The following CDH18 variants were observed in gnomAD, a reference collection of about 807,000 sequenced individuals.
The protein encoded by CDH18 is cadherin 18, also known as cadherin-18.
In CDH18, 31 loss-of-function variants were observed where a neutral mutation model predicts 67.9. The ratio of observed to expected loss-of-function variants is 0.46; its 90% confidence interval spans 0.34 to 0.62. The LOEUF (loss-of-function observed/expected upper bound fraction) is 0.62, where lower values mean the gene tolerates loss of function less well. CDH18 is among the 20% of genes least tolerant of loss of function. The pLI, the probability that CDH18 is intolerant of heterozygous loss-of-function variation, is 0.01. For synonymous variants in CDH18, 362 were observed against 347.2 expected, an observed-to-expected ratio of 1.04 and a Z score of -0.48; for missense variants, 890 against 975.5, an observed-to-expected ratio of 0.91 and a Z score of 1.17.
chr5:19,483,626 T>C (rs1019487280), intron 11 of CDH18, 74 bp from the exon 12 acceptor site: 1 of 1,425,368 alleles, frequency 7.0e-7, no homozygotes, highest in Admixed American at 2.1e-5. Flanking sequence ...CTTTAATGGA[T>C]AAAATGGGGA....
chr5:19,681,157 A>G (rs183104375), intron 5 of CDH18, among the ~76,000 whole-genome samples: 2 of 152,160 alleles, frequency 1.3e-5, no homozygotes, highest in Admixed American at 1.3e-4. Context: ...AAACTAATGA[A>G]TGAACAGAAA....
At chr5:19,843,004 G>A (rs1369819394) in intron 2 of CDH18, among the ~76,000 whole-genome samples, 2 of 152,116 alleles carry the variant, frequency 1.3e-5, no homozygotes, top group Admixed American at 6.6e-5. Flanking sequence ...TAAAAGGGAA[G>A]CACAGCATAA....
rs1741071279 is a variant in CDH18, at chr5:20,350,415, C to G, written c.-579-94910G>C. Among the ~76,000 whole-genome samples, 5 of 152,178 alleles carry G rather than the reference C, an allele frequency of 3.3e-5. No homozygotes were observed. The South Asian group carries it at 1.0e-3, about 32-fold the overall frequency. ...CATATTGTAGCTAATAGATTATAGA[C>G]ACAGAAGTAAATTCAATTTCCTCAA... is the stretch of plus-strand genomic sequence containing the variant. On this transcript the variant is annotated intron_variant, in intron 1 of 14. Coordinates refer to the CDH18 transcript ENST00000507958.
At position 20,162,077 on chromosome 5, in the gene CDH18, A is replaced by G. The variant is rs554816261; in HGVS notation, c.-518+93367T>C. On this transcript the variant is annotated intron_variant, in intron 2 of 14. Coordinates refer to the CDH18 transcript ENST00000507958. The stretch of plus-strand genomic sequence containing the variant: ...TATAATTAACTGAAGTCTTAACTGT[A>G]CTTAGAAGTTCCACTATAAGATTTC... Among the ~76,000 whole-genome samples, 28 of 152,188 alleles carry G rather than the reference A, an allele frequency of 1.8e-4. No individual in the cohort carries two copies. The South Asian group carries it at 5.8e-3, about 32-fold the overall frequency.
At chr5:19,994,790 GAGAT>G (rs1735828446) in intron 2 of CDH18, among the ~76,000 whole-genome samples, 1 of 65,304 alleles carries the variant, frequency 1.5e-5, no homozygotes, top group Non-Finnish European at 2.9e-5. Context: ...GAGAGAGAGA[GAGAT>G]GTACATGTGT....
chr5:20,498,639 T>G (rs1754054749), intron 1 of CDH18, among the ~76,000 whole-genome samples: 1 of 152,104 alleles, frequency 6.6e-6, no homozygotes, highest in African/African-American at 2.4e-5. Context: ...AATCCTTTAG[T>G]TGATAACATA....
chr5:19,471,461 G>A lies in CDH18; in HGVS notation c.*1765C>T, dbSNP rs1737644947. On this transcript the variant is annotated 3_prime_UTR_variant, in exon 13 of 13. Transcript: ENST00000382275. ...AAAATTTTGCACATGGGTAGAAACA[G>A]ACAGAAAATGTCATATAACTTTTGG... is the stretch of plus-strand genomic sequence containing the variant. Among the ~76,000 whole-genome samples, 1 of 151,986 alleles carries A rather than the reference G, an allele frequency of 6.6e-6. No homozygotes were observed. Among genetic ancestry groups the A allele is most frequent in the South Asian group, 2.1e-4 (1 of 4,832 alleles).
chr5:20,477,222 C>T (rs183718055), intron 1 of CDH18, among the ~76,000 whole-genome samples: 66 of 152,086 alleles, frequency 4.3e-4, no homozygotes, highest in African/African-American at 1.5e-3. Flanking sequence ...CACACACACA[C>T]GAGGGAGAGA....
chr5:20,540,170 A>G (rs1173795801), intron 1 of CDH18, among the ~76,000 whole-genome samples: 1 of 152,164 alleles, frequency 6.6e-6, no homozygotes, highest in African/African-American at 2.4e-5. Flanking sequence ...TGTTCCAAGA[A>G]AGTAGAGAGA....
intron 2 of CDH18, among the ~76,000 whole-genome samples, chr5:19,851,296 C>G (rs1348376594): frequency 6.6e-6 from 1 of 150,376 alleles, no homozygotes; most frequent in Non-Finnish European, 1.5e-5. Context: ...TTCTCTAGGT[C>G]TATATTTTTG....
At chr5:20,346,271 A>G (rs1202146574) in intron 1 of CDH18, among the ~76,000 whole-genome samples, 1 of 152,120 alleles carries the variant, frequency 6.6e-6, no homozygotes, top group Non-Finnish European at 1.5e-5. Flanking sequence ...TATTCTTCCA[A>G]AGCTTTTGCT....
chr5:19,690,660 A>G (rs879453440), intron 5 of CDH18, among the ~76,000 whole-genome samples: 6 of 151,860 alleles, frequency 4.0e-5, no homozygotes, highest in Non-Finnish European at 8.9e-5. Context: ...AATATATGCT[A>G]ACAAAATAGA....
chr5:19,732,371 G>C (rs1037989866), intron 4 of CDH18, among the ~76,000 whole-genome samples: 14 of 152,086 alleles, frequency 9.2e-5, no homozygotes, highest in African/African-American at 3.4e-4. Flanking sequence ...GGAGGGTCTT[G>C]AGCCCAGGAG....
At chr5:19,704,400 T>C (rs1763671912) in intron 5 of CDH18, among the ~76,000 whole-genome samples, 1 of 152,138 alleles carries the variant, frequency 6.6e-6, no homozygotes, top group Admixed American at 6.5e-5. Flanking sequence ...ATAACTTTTG[T>C]ACCTATAAAT....
At chr5:19,572,000 A>G (rs1308213365) in intron 7 of CDH18, among the ~76,000 whole-genome samples, 168 bp from the exon 8 acceptor site, 1 of 152,198 alleles carries the variant, frequency 6.6e-6, no homozygotes, top group Non-Finnish European at 1.5e-5. Context: ...TATTTTAATA[A>G]TAACATCTAA....
At chr5:19,794,883 C>T in intron 3 of CDH18, among the ~76,000 whole-genome samples, 1 of 152,050 alleles carries the variant, frequency 6.6e-6, no homozygotes, top group East Asian at 1.9e-4. Flanking sequence ...GGAAGTCACA[C>T]AAGGGACAAA....
At chr5:20,287,315 C>T (rs1216235883) in intron 1 of CDH18, among the ~76,000 whole-genome samples, 4 of 151,720 alleles carry the variant, frequency 2.6e-5, no homozygotes, top group East Asian at 1.9e-4. Context: ...CAATCACATA[C>T]TGAGTCATAT....
At chr5:19,926,104 G>T (rs1048545681) in intron 2 of CDH18, among the ~76,000 whole-genome samples, 10 of 151,390 alleles carry the variant, frequency 6.6e-5, no homozygotes, top group African/African-American at 2.2e-4. Flanking sequence ...TTTTCAAATT[G>T]TTGCAAATCT....
intron 11 of CDH18, among the ~76,000 whole-genome samples, chr5:19,494,279 T>C (rs1741937530): frequency 6.6e-6 from 1 of 152,232 alleles, no homozygotes; most frequent in African/African-American, 2.4e-5. Context: ...CTCATTACAT[T>C]GCATGTGTGT....
Sources: allele counts gnomAD v4.1 joint callset (sites outside exome capture counted in the v4.1 genomes callset), GRCh38; gene constraint gnomAD v4.1.1; transcripts MANE v1.5; gene names NCBI Gene and HGNC (gene_info 2026-07-23, HGNC 2026-07-21).